WDR87: variants seen among roughly 807,000 people sequenced by gnomAD.
WDR87 encodes the protein WD repeat-containing protein 87.
A neutral mutation model predicts 83.3 loss-of-function variants in WDR87; 56 were observed. That is an observed-to-expected ratio of 0.67 (90% CI 0.54 to 0.84). WDR87 has a LOEUF of 0.84. Among genes scored for constraint, WDR87 ranks in the 40% least tolerant of loss-of-function variants. The pLI, the probability that WDR87 is intolerant of heterozygous loss-of-function variation, is 0.00. For synonymous variants in WDR87, 1,173 were observed against 1,250.6 expected (o/e 0.94, Z 1.31); for missense variants, 2,939 against 3,431.9 (o/e 0.86, Z 3.59).
In WDR87 at chr19:37,887,359, G is replaced by T; in HGVS notation, c.6312C>A (p.Ser2104Arg). 6.4e-7 allele frequency: 1 copy of T among 1,551,576 alleles called. No homozygotes were observed. The highest frequency in any genetic ancestry group is 1.2e-5 in the South Asian group (1 of 84,056). The change falls in exon 6 of 6, where the codon AGC becomes AGA. Residue 2104 changes from serine (S) to arginine (R), a missense_variant. By Grantham distance (110) the Ser-to-Arg change is moderately radical. Coordinates refer to ENST00000447313, the MANE Select transcript of WDR87 (RefSeq NM_001291088.2). ...TCAGTTTTGCTGGTTCCTTGGAAAG[G>T]CTCTCCCTTTTTTTAATCAACTTCC... ...ASRKLIKKRESLSKEPAKLNK... is the reference protein window; with the variant it reads ...ASRKLIKKRERLSKEPAKLNK...
chr19:37,893,704 G>A lies in WDR87; in HGVS notation c.1999C>T (p.Gln667Ter), dbSNP rs757520130. 6.9e-5 allele frequency: 107 copies of A among 1,551,702 alleles called. No homozygotes were observed. Among genetic ancestry groups the A allele is most frequent in the Non-Finnish European group, 8.8e-5 (101 of 1,147,084 alleles). Residue 667 changes from glutamine to a stop codon, truncating the protein, a stop_gained, in exon 4 of 6, where the codon CAG (glutamine) becomes TAG (stop). Coordinates refer to ENST00000447313, the MANE Select transcript of WDR87 (RefSeq NM_001291088.2). LOFTEE classifies it high-confidence loss of function. ...AAACAGGACACTAGGTAAAGACTCTGGTTAAAAGTCACAAGCAGGTCACCC... is the reference window on the plus strand; with the variant it reads ...AAACAGGACACTAGGTAAAGACTCTAGTTAAAAGTCACAAGCAGGTCACCC... Reference protein sequence around the residue: ...DRGDLLVTFNQSLYLVSCLKL... With the variant: ...DRGDLLVTFN
rs371412558 is a variant in WDR87, at chr19:37,895,389, C to T, written c.314G>A (p.Arg105Gln). 20 of 1,551,582 alleles carry T rather than the reference C, an allele frequency of 1.3e-5. No individual in the cohort carries two copies. The highest frequency in any genetic ancestry group is 1.7e-5 in the Non-Finnish European group (19 of 1,147,002). The stretch of plus-strand genomic sequence containing the variant: ...GACCATGGACTGGATGGGTGGCAAT[C>T]GTTCAGTCATGGAGAATGTTCTTTT... ...VEKRTFSMTE[R>Q]LPPIQSMVHA... Residue 105 changes from arginine to glutamine, a missense_variant, in exon 4 of 6, where the codon CGA becomes CAA. Physicochemically the swap from Arg to Gln is conservative, Grantham distance 43 (BLOSUM62 1). Transcript: ENST00000447313.
At position 37,885,957 on chromosome 19, in the gene WDR87, C is replaced by G. The variant is rs2046140950; in HGVS notation, c.7714G>C (p.Glu2572Gln). 2 of 1,552,076 alleles carry G rather than the reference C, an allele frequency of 1.3e-6. No homozygotes were observed. Among genetic ancestry groups the G allele is most frequent in the Non-Finnish European group, 1.7e-6 (2 of 1,147,114 alleles). ...SDVEWIRHVL[E>Q]RMEAGEQLSR... The stretch of plus-strand genomic sequence containing the variant: ...AGCTGTTCTCCCGCTTCCATTCGTT[C>G]TAGGACATGGCGGATCCACTCTACA... The change falls in exon 6 of 6, where the codon GAA becomes CAA. Residue 2572 changes from glutamate (E) to glutamine (Q), a missense_variant. Physicochemically the swap from Glu to Gln is conservative, Grantham distance 29. Around this residue, in one of 3 missense-constraint regions of WDR87, gnomAD observed 2,160 missense variants for 2,533.1 expected, o/e 0.85. Coordinates refer to ENST00000447313, the MANE Select transcript of WDR87 (RefSeq NM_001291088.2).
chr19:37,886,665 C>A lies in WDR87; in HGVS notation c.7006G>T (p.Glu2336Ter). 1 of 1,499,860 alleles carries A rather than the reference C, an allele frequency of 6.7e-7. No individual in the cohort carries two copies. Among genetic ancestry groups the A allele is most frequent in the African/African-American group, 1.4e-5 (1 of 71,510 alleles). 92.9% of individuals were successfully genotyped at this position (1,499,860 alleles called of 1,614,324 possible). A position where few individuals can be genotyped will look rare whatever the true frequency, so the allele number is the denominator to read the frequency against. Residue 2336 changes from glutamate (E) to a stop codon, truncating the protein, a stop_gained, in exon 6 of 6, where the codon GAG becomes TAG. Transcript: ENST00000447313. LOFTEE classifies it low-confidence loss of function (END_TRUNC). ...KKKKKKEKKK[E>*]EVQEKEEVFE... The stretch of plus-strand genomic sequence containing the variant: ...ACTTCTTCCTTCTCCTGAACCTCCT[C>A]CTTCTTCTTTTCCTTTTTCTTCTTC...
Position 37,893,992 on chromosome 19 carries a change from C to CCA in WDR87, c.1709_1710dup (p.Gly571TrpfsTer27), listed in dbSNP as rs2145431552. 1 of 1,551,774 alleles carries CCA rather than the reference C, an allele frequency of 6.4e-7. No homozygotes were observed. Among genetic ancestry groups the CCA allele is most frequent in the South Asian group, 1.2e-5 (1 of 84,056 alleles). Reference sequence around the variant, plus strand: ...AGGCAGTTTGTCTCTGTGATGGCACCCACAGACTTGGGCAAGAGTATCAGA... The same window carrying CCA: ...AGGCAGTTTGTCTCTGTGATGGCACCCACACAGACTTGGGCAAGAGTATCAGA... On this transcript the variant is annotated frameshift_variant, in exon 4 of 6. Coordinates refer to ENST00000447313, the MANE Select transcript of WDR87 (RefSeq NM_001291088.2). LOFTEE classifies it high-confidence loss of function.
At chr19:37,902,779 G>A (rs2046301195) in intron 1 of WDR87, among the ~76,000 whole-genome samples, 1 of 152,108 alleles carries the variant, frequency 6.6e-6, no homozygotes, top group South Asian at 2.1e-4. Context: ...TTGACTCTAG[G>A]GGGCGCTGCA....
chr19:37,888,518 A>C lies in WDR87; in HGVS notation c.5153T>G (p.Leu1718Arg). ...WEKVAREEEK[L>R]AKKGGKLAEV... is the part of the protein sequence containing the mutation. ...AGCCAGTTTCCCTCCTTTCTTTGCT[A>C]GTTTCTCTTCTTCTCTAGCCACTTT... is the stretch of plus-strand genomic sequence containing the variant. Residue 1718 changes from leucine (L) to arginine (R), a missense_variant, in exon 6 of 6, where the codon CTA becomes CGA. This residue lies in a region of WDR87 where 2,160 missense variants were observed against 2,533.1 expected (regional missense o/e 0.85). Transcript: ENST00000447313. 6.4e-7 allele frequency: 1 copy of C among 1,551,180 alleles called. No individual in the cohort carries two copies. Among genetic ancestry groups the C allele is most frequent in the Non-Finnish European group, 8.7e-7 (1 of 1,146,900 alleles).
At chr19:37,896,043 C>T in intron 3 of WDR87, 95 bp downstream of exon 3, 1 of 1,446,452 alleles carries the variant, frequency 6.9e-7, no homozygotes. Context: ...CACATTCATC[C>T]ATGGGGAATA....
intron 1 of WDR87, among the ~76,000 whole-genome samples, chr19:37,899,173 C>T (rs1365960566): frequency 6.6e-6 from 1 of 151,964 alleles, no homozygotes; most frequent in Non-Finnish European, 1.5e-5. Context: ...AATCCCAGCC[C>T]TTTGGGAGGC....
chr19:37,894,111 T>C lies in WDR87; in HGVS notation c.1592A>G (p.Asp531Gly). Residue 531 changes from aspartate to glycine, a missense_variant, in exon 4 of 6, where the codon GAT becomes GGT. Asp to Gly is a moderately conservative substitution (Grantham distance 94, BLOSUM62 -1). Coordinates refer to ENST00000447313, the MANE Select transcript of WDR87 (RefSeq NM_001291088.2). Reference sequence around the variant, plus strand: ...AGCTTCTGACAGGTGCACATAGTCATCCATTCCATAGGAACAGAGCAGAGA... The same window carrying C: ...AGCTTCTGACAGGTGCACATAGTCACCCATTCCATAGGAACAGAGCAGAGA... Reference protein sequence around the residue: ...GNSLLCSYGMDDYVHLSEAVL... With the variant: ...GNSLLCSYGMGDYVHLSEAVL... The C allele has an allele frequency of 6.4e-7, 1 of 1,552,304 alleles. No homozygotes were observed. Among genetic ancestry groups the C allele is most frequent in the Non-Finnish European group, 8.7e-7 (1 of 1,147,146 alleles).
At chr19:37,904,544 G>C (rs2046311935) in intron 1 of WDR87, among the ~76,000 whole-genome samples, 1 of 151,704 alleles carries the variant, frequency 6.6e-6, no homozygotes, top group Admixed American at 6.6e-5. Flanking sequence ...ATTTTTAGCA[G>C]AGATGTGGTT....
Position 37,893,020 on chromosome 19 carries a change from C to T in WDR87, c.2683G>A (p.Val895Ile). Reference protein sequence around the residue: ...HFLEMRLSKDVTYSVLTDGAN... With the variant: ...HFLEMRLSKDITYSVLTDGAN... ...CCATCTGTAAGGACACTGTAGGTTA[C>T]ATCCTTGGAAAGTCTCATTTCTAGG... Residue 895 changes from valine (V) to isoleucine (I), a missense_variant, in exon 4 of 6, where the codon GTA becomes ATA. Transcript: ENST00000447313. The T allele has an allele frequency of 6.4e-7, 1 of 1,551,812 alleles. No homozygotes were observed. The highest frequency in any genetic ancestry group is 1.4e-5 in the African/African-American group (1 of 73,182).
At chr19:37,905,029 C>A (rs1005983736) in intron 1 of WDR87, among the ~76,000 whole-genome samples, 1 of 151,388 alleles carries the variant, frequency 6.6e-6, no homozygotes, top group African/African-American at 2.4e-5. Context: ...GTCAGGAGAT[C>A]GAGACCATCC....
At position 37,891,605 on chromosome 19, in the gene WDR87, G is replaced by A. The variant is rs2046205640; in HGVS notation, c.3341C>T (p.Ala1114Val). ...TCTTTGGCCTTTGCTGGGCTTGATG[G>A]CCACTTCAGATTCTTCAGAAACTGT... ...PPTVSEESEV[A>V]IKPSKGQRRG... The change falls in exon 5 of 6, where the codon GCC becomes GTC. Residue 1114 changes from alanine to valine, a missense_variant. Ala to Val is a moderately conservative substitution (Grantham distance 64). Around this residue, in one of 3 missense-constraint regions of WDR87, gnomAD observed 2,160 missense variants for 2,533.1 expected, o/e 0.85. Coordinates refer to ENST00000447313, the MANE Select transcript of WDR87 (RefSeq NM_001291088.2). 1 of 1,551,930 alleles carries A rather than the reference G, an allele frequency of 6.4e-7. No individual in the cohort carries two copies. The highest frequency in any genetic ancestry group is 1.4e-5 in the African/African-American group (1 of 73,036).
chr19:37,887,276 TC>T lies in WDR87; in HGVS notation c.6394del (p.Glu2132LysfsTer3), dbSNP rs1426769947. On this transcript the variant is annotated frameshift_variant, in exon 6 of 6. Coordinates refer to ENST00000447313, the MANE Select transcript of WDR87 (RefSeq NM_001291088.2). LOFTEE classifies it low-confidence loss of function (END_TRUNC). ...CTTCATCTTTGTCATTTTTATTTCT[TC>T]CTGTGTTAGTTTCCTTTCATCCCTG... ...LTRDERKLTQ[E>X]EIKMTKMKRA... The T allele has an allele frequency of 3.9e-6, 6 of 1,551,392 alleles. No homozygotes were observed. Among genetic ancestry groups the T allele is most frequent in the Non-Finnish European group, 5.2e-6 (6 of 1,146,942 alleles).
At position 37,892,729 on chromosome 19, in the gene WDR87, G is replaced by A. The variant is rs976403978; in HGVS notation, c.2974C>T (p.His992Tyr). Residue 992 changes from histidine (H) to tyrosine (Y), a missense_variant, in exon 4 of 6, where the codon CAT (histidine) becomes TAT (tyrosine). Physicochemically the swap from His to Tyr is moderately conservative, Grantham distance 83. This residue lies in a region of WDR87 where 2,160 missense variants were observed against 2,533.1 expected (regional missense o/e 0.85). Transcript: ENST00000447313. Reference protein sequence around the residue: ...EGLKRLGMITHLFAMPLAQGL... With the variant: ...EGLKRLGMITYLFAMPLAQGL... ...TGAGCCAGAGGCATGGCAAAAAGAT[G>A]AGTAATCATTCCTAGACGCTTCAGC... 7.1e-6 allele frequency: 11 copies of A among 1,551,690 alleles called. No individual in the cohort carries two copies. The highest frequency in any genetic ancestry group is 3.9e-5 in the Admixed American group (2 of 50,986).
At position 37,890,058 on chromosome 19, in the gene WDR87, C is replaced by A; in HGVS notation, c.3613G>T (p.Ala1205Ser). ...TTCTGCAGCCTCTTCAGGGTCAATG[C>A]AATGTGATCCTTCGAGATATCTTTC... is the stretch of plus-strand genomic sequence containing the variant. ...QEKDISKDHI[A>S]LTLKRLQKIR... The change falls in exon 6 of 6, where the codon GCA becomes TCA. Residue 1205 changes from alanine (A) to serine (S), a missense_variant. Ala to Ser is a moderately conservative substitution (Grantham distance 99). Around this residue, in one of 3 missense-constraint regions of WDR87, gnomAD observed 2,160 missense variants for 2,533.1 expected, o/e 0.85. Coordinates refer to ENST00000447313, the MANE Select transcript of WDR87 (RefSeq NM_001291088.2). 6.4e-7 allele frequency: 1 copy of A among 1,551,778 alleles called. No individual in the cohort carries two copies. The highest frequency in any genetic ancestry group is 8.7e-7 in the Non-Finnish European group (1 of 1,147,016).
rs199880610 is a variant in WDR87 at position 37,894,833 on chromosome 19, G to A, written c.870C>T (p.Arg290=). ...QAHQSGVICI[R]SRPEAHTLLT... Reference sequence around the variant, plus strand: ...GCAGGGTGTGGGCCTCTGGTCGGCTGCGGATACAGATCACTCCTGATTGAT... The same window carrying A: ...GCAGGGTGTGGGCCTCTGGTCGGCTACGGATACAGATCACTCCTGATTGAT... The change falls in exon 4 of 6, where the codon CGC becomes CGT. Residue 290 remains arginine, a synonymous_variant. Coordinates refer to ENST00000447313, the MANE Select transcript of WDR87 (RefSeq NM_001291088.2). 3 of 1,551,602 alleles carry A rather than the reference G, an allele frequency of 1.9e-6. No individual in the cohort carries two copies. The highest frequency in any genetic ancestry group is 1.7e-6 in the Non-Finnish European group (2 of 1,147,004).
At chr19:37,905,938 TTG>T (rs143342695) in intron 1 of WDR87, among the ~76,000 whole-genome samples, 5,537 of 152,258 alleles carry the variant, frequency 0.036, 313 homozygotes, top group African/African-American at 0.12. Flanking sequence ...TGGATTTCTC[TTG>T]TGTCTCCATA....
Sources: gnomAD v4.1 joint callset for allele counts (sites outside exome capture counted in the v4.1 genomes callset) on GRCh38, gnomAD v4.1.1 for gene constraint, gnomAD v4.1.1 regional missense constraint, MANE v1.5 for transcripts, NCBI Gene and HGNC (gene_info 2026-07-23, HGNC 2026-07-21) for gene names.